TBC1D31: variants seen among roughly 807,000 people sequenced by gnomAD.
TBC1D31 encodes TBC1 domain family member 31.
A neutral mutation model predicts 132.9 loss-of-function variants in TBC1D31; 99 were observed. The ratio of observed to expected loss-of-function variants is 0.74; its 90% CI spans 0.63 to 0.88. TBC1D31 has a LOEUF of 0.88. Ranked by LOEUF, TBC1D31 falls within the 40% of genes least tolerant of loss-of-function variation. The pLI is 0.00. For synonymous variants in TBC1D31, 385 were observed against 419.4 expected (o/e 0.92, Z 1.00); for missense variants, 1,134 against 1,256.6 (o/e 0.90, Z 1.48).
In TBC1D31 at chr8:123,097,458, T is replaced by G; in HGVS notation, c.831+17T>G. 6.2e-7 allele frequency: 1 copy of G among 1,612,360 alleles called. No homozygotes were observed. Among genetic ancestry groups the G allele is most frequent in the Non-Finnish European group, 8.5e-7 (1 of 1,178,820 alleles). On this transcript the variant is annotated intron_variant, in intron 6 of 21. Transcript: ENST00000287380. The stretch of plus-strand genomic sequence containing the variant: ...TCTAATCAGGTTAGTAACATAAATG[T>G]AGGGCACTGTACTTTTTGAGAAAGA...
At chr8:123,090,702 G>A (rs1816231507) in intron 4 of TBC1D31, among the ~76,000 whole-genome samples, 1 of 152,160 alleles carries the variant, frequency 6.6e-6, no homozygotes, top group Non-Finnish European at 1.5e-5. Context: ...GGAGGCCAAG[G>A]CAGGCGGATC....
At chr8:123,077,404 A>G (rs918485352) in intron 2 of TBC1D31, 147 bp downstream of exon 2, 29 of 704,354 alleles carry the variant, frequency 4.1e-5, no homozygotes, top group Non-Finnish European at 5.5e-5. Context: ...CATAAGTGCT[A>G]AAGGACGAAA....
intron 19 of TBC1D31, among the ~76,000 whole-genome samples, chr8:123,143,587 C>T (rs1398806804): frequency 6.6e-6 from 1 of 152,164 alleles, no homozygotes; most frequent in Non-Finnish European, 1.5e-5. Flanking sequence ...GTTGCTGTAT[C>T]ACAATGTCTA....
At chr8:123,072,976 G>T (rs1814062172) in intron 1 of TBC1D31, 130 bp downstream of exon 1, 2 of 877,158 alleles carry the variant, frequency 2.3e-6, no homozygotes, top group Non-Finnish European at 3.5e-6. Context: ...TGGATGACCT[G>T]CGGTGGAACA....
At position 123,130,352 on chromosome 8, in the gene TBC1D31, A is replaced by C. The variant is rs1820498749; in HGVS notation, c.2406+19A>C. On this transcript the variant is annotated intron_variant, in intron 16 of 21. Coordinates refer to ENST00000287380, the MANE Select transcript of TBC1D31 (RefSeq NM_145647.4). ...GAGAAAGGTTTATTATTCTTAACTT[A>C]GTTCTCATACATCATCTCCATTTAC... is the stretch of plus-strand genomic sequence containing the variant. The C allele has an allele frequency of 6.2e-7, 1 of 1,600,196 alleles. No individual in the cohort carries two copies. The highest frequency in any genetic ancestry group is 1.7e-4 in the Middle Eastern group (1 of 6,008).
chr8:123,157,636 G>C, the TBC1D31 span, among the ~76,000 whole-genome samples: 1 of 152,172 alleles, frequency 6.6e-6, no homozygotes, highest in East Asian at 1.9e-4. Context: ...TGTGCTGGGT[G>C]CTGCGTTCAC....
intron 7 of TBC1D31, among the ~76,000 whole-genome samples, chr8:123,104,688 C>T (rs565893407): frequency 3.9e-5 from 6 of 151,942 alleles, no homozygotes; most frequent in African/African-American, 1.4e-4. Flanking sequence ...GGTTTTTTTC[C>T]GTGTTTGATG....
chr8:123,131,162 G>T (rs192424946), intron 16 of TBC1D31, among the ~76,000 whole-genome samples: 1 of 151,296 alleles, frequency 6.6e-6, no homozygotes, highest in African/African-American at 2.4e-5. Flanking sequence ...TCAGGAGTTC[G>T]GAACCAGCCT....
chr8:123,137,999 G>A (rs1821262784), intron 17 of TBC1D31, among the ~76,000 whole-genome samples: 2 of 152,128 alleles, frequency 1.3e-5, no homozygotes, highest in African/African-American at 4.8e-5. Context: ...ATTTTAAAAA[G>A]CTAATGGACA....
chr8:123,149,011 C>T (rs1822522619), intron 20 of TBC1D31, among the ~76,000 whole-genome samples: 1 of 151,894 alleles, frequency 6.6e-6, no homozygotes, highest in Non-Finnish European at 1.5e-5. Context: ...CACGCCACTG[C>T]ACTCCAGCCT....
chr8:123,113,854 T>G (rs1340653717), intron 10 of TBC1D31, among the ~76,000 whole-genome samples: 1 of 152,222 alleles, frequency 6.6e-6, no homozygotes, highest in Non-Finnish European at 1.5e-5. Flanking sequence ...GGAGGGATTA[T>G]TCTACATTAA....
At chr8:123,092,653 T>C (rs1816441595) in intron 4 of TBC1D31, among the ~76,000 whole-genome samples, 1 of 152,014 alleles carries the variant, frequency 6.6e-6, no homozygotes, top group Admixed American at 6.6e-5. Flanking sequence ...TATGCATGTA[T>C]GTGCTTTCTT....
intron 20 of TBC1D31, among the ~76,000 whole-genome samples, chr8:123,145,266 T>G (rs1822083853): frequency 6.6e-6 from 1 of 152,198 alleles, no homozygotes; most frequent in Non-Finnish European, 1.5e-5. Context: ...TTCTATTCAA[T>G]CTACTGCTCA....
chr8:123,138,698 C>T (rs1194507170), intron 17 of TBC1D31, among the ~76,000 whole-genome samples: 1 of 152,092 alleles, frequency 6.6e-6, no homozygotes, highest in Non-Finnish European at 1.5e-5. Flanking sequence ...TTATGACTGG[C>T]TTCTTTCACT....
chr8:123,135,715 A>C (rs561461641), intron 17 of TBC1D31, among the ~76,000 whole-genome samples: 2 of 152,354 alleles, frequency 1.3e-5, no homozygotes, highest in South Asian at 2.1e-4. Context: ...ATTTACACCT[A>C]TAACACTTTT....
intron 19 of TBC1D31, among the ~76,000 whole-genome samples, chr8:123,142,707 G>A (rs2130916893): frequency 1.3e-5 from 2 of 152,152 alleles, no homozygotes; most frequent in Middle Eastern, 6.8e-3. Flanking sequence ...TGCTGGAAAA[G>A]ATAATCTGAT....
chr8:123,096,946 T>C (rs1457951091), intron 5 of TBC1D31, among the ~76,000 whole-genome samples: 1 of 152,212 alleles, frequency 6.6e-6, no homozygotes, highest in Non-Finnish European at 1.5e-5. Context: ...GAGATTATGC[T>C]ATAAAATATA....
At chr8:123,089,451 A>G (rs998737712) in intron 4 of TBC1D31, among the ~76,000 whole-genome samples, 4 of 152,212 alleles carry the variant, frequency 2.6e-5, no homozygotes, top group East Asian at 3.8e-4. Context: ...TGGCAGGCAC[A>G]TGGGCTCATG....
intron 4 of TBC1D31, among the ~76,000 whole-genome samples, chr8:123,087,921 G>A (rs911176298): frequency 2.6e-5 from 4 of 152,176 alleles, no homozygotes; most frequent in Non-Finnish European, 4.4e-5. Context: ...GGGGGCTTAC[G>A]CCTGTAATCT....
Sources: allele counts gnomAD v4.1 joint callset (sites outside exome capture counted in the v4.1 genomes callset), GRCh38; gene constraint gnomAD v4.1.1; transcripts MANE v1.5; gene names NCBI Gene and HGNC (gene_info 2026-07-23, HGNC 2026-07-21).